Variants in DAB1 observed in about 807,000 individuals in gnomAD.
DAB1 encodes the protein disabled homolog 1.
In DAB1, 15 loss-of-function variants were observed where a neutral mutation model predicts 64.6. The observed-to-expected ratio is 0.23, with a 90% CI of 0.16 to 0.36. DAB1 has a LOEUF of 0.36. Ranked by LOEUF, DAB1 falls within the 10% of genes least tolerant of loss-of-function variation. The pLI is 1.00. For missense variants in DAB1, 596 were observed against 706.7 expected (o/e 0.84, Z 1.78); for synonymous variants, 235 against 251.9 (o/e 0.93, Z 0.64).
At chr1:57,465,657 G>T (rs1263113979) in intron 7 of DAB1, among the ~76,000 whole-genome samples, 1 of 152,196 alleles carries the variant, frequency 6.6e-6, no homozygotes, top group Admixed American at 6.5e-5. Flanking sequence ...TTCTTAAGAA[G>T]ATGCATTTTG....
chr1:58,248,888 C>G (rs1227683591), intron 4 of DAB1, among the ~76,000 whole-genome samples: 1 of 152,146 alleles, frequency 6.6e-6, no homozygotes, highest in Non-Finnish European at 1.5e-5. Context: ...CTGTATTTAA[C>G]ACGATCAGGG....
chr1:57,216,006 G>GCAGA (rs1415165676), intron 2 of DAB1, among the ~76,000 whole-genome samples: 1 of 152,158 alleles, frequency 6.6e-6, no homozygotes, highest in Admixed American at 6.5e-5. Context: ...ACCAAAGCAG[G>GCAGA]CAGACAGGAA....
At chr1:57,911,664 C>T (rs1486801114) in intron 5 of DAB1, among the ~76,000 whole-genome samples, 1 of 152,206 alleles carries the variant, frequency 6.6e-6, no homozygotes, top group Non-Finnish European at 1.5e-5. Flanking sequence ...TGGCTCATGG[C>T]CCAGCACCCT....
rs146676381 is a variant in DAB1 at position 57,330,011 on chromosome 1, T to C, written c.-136-38845A>G. Among the ~76,000 whole-genome samples, 1,277 of 152,260 alleles carry C rather than the reference T, an allele frequency of 8.4e-3. 25 individuals are homozygous for C. Among genetic ancestry groups the C allele is most frequent in the African/African-American group, 0.029 (1,215 of 41,544 alleles). On this transcript the variant is annotated intron_variant, in intron 1 of 14. Coordinates refer to ENST00000371236, the MANE Select transcript of DAB1 (RefSeq NM_001365792.1). Reference sequence around the variant, plus strand: ...AATAGCAGTCAACCAGGGGATGTTTTTAATGTTTTATGCTTTCACTGCAGT... The same window carrying C: ...AATAGCAGTCAACCAGGGGATGTTTCTAATGTTTTATGCTTTCACTGCAGT...
chr1:57,053,446 C>T (rs1265948683), intron 9 of DAB1, among the ~76,000 whole-genome samples: 1 of 151,694 alleles, frequency 6.6e-6, no homozygotes, highest in African/African-American at 2.4e-5. Flanking sequence ...TGGGGTATTG[C>T]TATGTTGCCC....
chr1:57,149,398 T>C (rs1433705741), intron 2 of DAB1, among the ~76,000 whole-genome samples: 1 of 152,194 alleles, frequency 6.6e-6, no homozygotes, highest in Non-Finnish European at 1.5e-5. Flanking sequence ...TTTGGAGAAC[T>C]GTCAATTTGT....
intron 4 of DAB1, among the ~76,000 whole-genome samples, chr1:57,098,155 A>T (rs1570687135): frequency 6.6e-6 from 1 of 152,088 alleles, no homozygotes; most frequent in East Asian, 1.9e-4. Context: ...GGTGGGAAAA[A>T]ATTTCCCATT....
At position 58,012,370 on chromosome 1, in the gene DAB1, C is replaced by T. The variant is rs527802455; in HGVS notation, n.388-128208G>A. 5.8e-4 allele frequency among the ~76,000 whole-genome samples: 89 copies of T among 152,248 alleles called. 2 individuals are homozygous for T. The South Asian group carries it at 0.017, about 29-fold the overall frequency. ...AGGGACTCAGGTTGCCTTCATTATA[C>T]GTCTCTGACACCCCTGTGGCCTCTT... On this transcript the variant is annotated intron_variant and non_coding_transcript_variant, in intron 5 of 20. Transcript: ENST00000485760.
intron 4 of DAB1, among the ~76,000 whole-genome samples, chr1:58,339,804 T>C (rs1285750036): frequency 6.6e-6 from 1 of 152,236 alleles, no homozygotes; most frequent in Admixed American, 6.5e-5. Flanking sequence ...TGCTTCTCAC[T>C]GAAGATTTTG....
At chr1:57,195,756 T>G (rs1364302126) in intron 2 of DAB1, among the ~76,000 whole-genome samples, 1 of 152,230 alleles carries the variant, frequency 6.6e-6, no homozygotes, top group Non-Finnish European at 1.5e-5. Flanking sequence ...TGAAATGGCA[T>G]TAAAGAAGAG....
rs184233007 is a variant in DAB1 at position 58,280,159 on chromosome 1, T to C, written n.309+63193A>G. On this transcript the variant is annotated intron_variant and non_coding_transcript_variant, in intron 4 of 20. Coordinates refer to the DAB1 transcript ENST00000485760. ...CTCCAGAGAGAAGAAACATCCTCTG[T>C]AGAAACCTGACCTCCTCTAAGACAG... Among the ~76,000 whole-genome samples the C allele has an allele frequency of 2.3e-3, 356 of 152,282 alleles. 1 individual carries two copies. Among genetic ancestry groups the C allele is most frequent in the African/African-American group, 8.0e-3 (331 of 41,544 alleles).
chr1:58,127,771 G>C lies in DAB1; in HGVS notation n.387+22740C>G, dbSNP rs973851618. On this transcript the variant is annotated intron_variant and non_coding_transcript_variant, in intron 5 of 20. Coordinates refer to the DAB1 transcript ENST00000485760. The stretch of plus-strand genomic sequence containing the variant: ...GTTTGTCAAAGATCACATAGTTGTA[G>C]ATATGCGGTGTTATTTCTGAGGGCT... 3.5e-3 allele frequency among the ~76,000 whole-genome samples: 536 copies of C among 151,494 alleles called. 7 individuals are homozygous for C. The highest frequency in any genetic ancestry group is 0.013 in the African/African-American group (520 of 41,338).
chr1:57,319,905 G>C (rs931689204), intron 1 of DAB1, among the ~76,000 whole-genome samples: 3 of 152,176 alleles, frequency 2.0e-5, no homozygotes, highest in Non-Finnish European at 2.9e-5. Flanking sequence ...TTCTATGAAG[G>C]TGTGATACTT....
Position 58,349,633 on chromosome 1 carries a change from G to T in DAB1, n.258-6230C>A, listed in dbSNP as rs1644032851. Among the ~76,000 whole-genome samples the T allele has an allele frequency of 2.0e-5, 3 of 151,856 alleles. No homozygotes were observed. The South Asian group carries it at 6.3e-4, about 32-fold the overall frequency. The stretch of plus-strand genomic sequence containing the variant: ...AGACGCCCACCCCTCGACAGGCCCT[G>T]GTGTGTGATGTTCCCCTCCCTGTGT... On this transcript the variant is annotated intron_variant and non_coding_transcript_variant, in intron 3 of 20. Transcript: ENST00000485760.
At chr1:57,305,527 T>C (rs61767400) in intron 1 of DAB1, among the ~76,000 whole-genome samples, 24,282 of 151,892 alleles carry the variant, frequency 0.16, 3,267 homozygotes, top group African/African-American at 0.37. Context: ...CCTGGAGGGG[T>C]GAGCAGAAGA....
chr1:57,115,842 TG>T (rs1656059140), intron 4 of DAB1, among the ~76,000 whole-genome samples: 1 of 152,132 alleles, frequency 6.6e-6, no homozygotes, highest in South Asian at 2.1e-4. Context: ...ATAGAGTTCT[TG>T]TAAGGAAGAG....
At chr1:57,322,225 A>T (rs1175240364) in intron 1 of DAB1, among the ~76,000 whole-genome samples, 1 of 152,166 alleles carries the variant, frequency 6.6e-6, no homozygotes, top group Non-Finnish European at 1.5e-5. Flanking sequence ...ATGCTCACTA[A>T]ATCCTCAAGT....
At chr1:58,107,402 C>T (rs1651718660) in intron 5 of DAB1, among the ~76,000 whole-genome samples, 1 of 148,362 alleles carries the variant, frequency 6.7e-6, no homozygotes, top group Non-Finnish European at 1.5e-5. Flanking sequence ...ATCCAGGAGG[C>T]GGAGTTTGCA....
intron 4 of DAB1, among the ~76,000 whole-genome samples, chr1:58,194,654 C>T (rs1041163582): frequency 2.0e-5 from 3 of 152,180 alleles, no homozygotes; most frequent in African/African-American, 7.2e-5. Context: ...GCTGACTAAC[C>T]CTTTCTGTGC....
Sources: gnomAD v4.1 joint callset for allele counts (sites outside exome capture counted in the v4.1 genomes callset) on GRCh38, gnomAD v4.1.1 for gene constraint, MANE v1.5 for transcripts, NCBI Gene and HGNC (gene_info 2026-07-23, HGNC 2026-07-21) for gene names.